The following SMG6 variants were observed in gnomAD, a reference collection of about 807,000 sequenced individuals.
SMG6 encodes the protein telomerase-binding protein EST1A.
Under a neutral mutation model 142.2 loss-of-function variants are expected in SMG6, and 66 were observed. That is an observed-to-expected ratio of 0.46 (90% CI 0.38 to 0.57). The LOEUF (loss-of-function observed/expected upper bound fraction) is 0.57, where lower values mean the gene tolerates loss of function less well. Ranked by LOEUF, SMG6 falls within the 20% of genes least tolerant of loss-of-function variation. SMG6 has a pLI of 0.00. For missense variants in SMG6, 1,793 were observed against 1,832.0 expected (o/e 0.98, Z 0.39); for synonymous variants, 779 against 702.4 (o/e 1.11, Z -1.72).
At chr17:2,215,166 T>G (rs1158999204) in intron 10 of SMG6, among the ~76,000 whole-genome samples, 2 of 152,126 alleles carry the variant, frequency 1.3e-5, no homozygotes, top group Non-Finnish European at 2.9e-5. Flanking sequence ...AGCTGTAATG[T>G]GAAGAGTGGC....
At chr17:2,092,934 G>C (rs928165710) in intron 13 of SMG6, among the ~76,000 whole-genome samples, 4 of 152,208 alleles carry the variant, frequency 2.6e-5, no homozygotes, top group African/African-American at 7.2e-5. Flanking sequence ...AGTGGCTCAT[G>C]CCTGTAATCG....
chr17:2,286,041 C>T (rs1036306346), intron 6 of SMG6, among the ~76,000 whole-genome samples: 4 of 152,046 alleles, frequency 2.6e-5, no homozygotes, highest in African/African-American at 4.8e-5. Context: ...TTTGCAAAAG[C>T]ATCAAAAAGA....
intron 13 of SMG6, among the ~76,000 whole-genome samples, chr17:2,111,973 G>A (rs2151494858): frequency 6.6e-6 from 1 of 152,208 alleles, no homozygotes; most frequent in East Asian, 1.9e-4. Flanking sequence ...CACAAATACA[G>A]TATCTTCCCT....
At chr17:2,214,152 T>TCAACAGCTCCACGAGGATCCATGC in intron 10 of SMG6, 2 of 152,338 alleles carry the variant, frequency 1.3e-5, no homozygotes, top group East Asian at 3.9e-4. Context: ...GTTTTTGTTC[T>TCAACAGCTCCACGAGGATCCATGC]CAACAGCTCC....
chr17:2,238,711 C>G (rs1478913668), intron 9 of SMG6, among the ~76,000 whole-genome samples: 1 of 152,180 alleles, frequency 6.6e-6, no homozygotes, highest in Non-Finnish European at 1.5e-5. Context: ...CTGAGGAAGC[C>G]TCTTCCCTGG....
At chr17:2,221,998 G>C (rs768489589) in intron 10 of SMG6, among the ~76,000 whole-genome samples, 5 of 152,226 alleles carry the variant, frequency 3.3e-5, no homozygotes, top group Non-Finnish European at 5.9e-5. Context: ...GCCTCCCAAA[G>C]AGCTGGGATT....
chr17:2,218,687 G>A (rs2073088898), intron 10 of SMG6, among the ~76,000 whole-genome samples: 1 of 152,210 alleles, frequency 6.6e-6, no homozygotes, highest in African/African-American at 2.4e-5. Flanking sequence ...GTCATCACCT[G>A]AGGTGAGGTG....
chr17:2,210,409 C>A (rs570550997), intron 10 of SMG6, among the ~76,000 whole-genome samples: 2 of 151,588 alleles, frequency 1.3e-5, no homozygotes, highest in Non-Finnish European at 1.5e-5. Context: ...GTGTGCATTA[C>A]TGCAAACCAG....
At chr17:2,155,892 G>T (rs992178320) in intron 13 of SMG6, among the ~76,000 whole-genome samples, 2 of 152,120 alleles carry the variant, frequency 1.3e-5, no homozygotes, top group Admixed American at 1.3e-4. Flanking sequence ...TCCTGCATTT[G>T]AATGTATTGT....
In SMG6 at chr17:2,164,909, C is replaced by T. The variant is rs539721600; in HGVS notation, c.3357+7749G>A. ...CCAAGACTAAACCACTGTACTCCAG[C>T]GTGGGCGACAGAGCGAGACTCCATC... is the stretch of plus-strand genomic sequence containing the variant. On this transcript the variant is annotated intron_variant, in intron 13 of 18. Transcript: ENST00000263073. Among the ~76,000 whole-genome samples the T allele has an allele frequency of 2.6e-5, 4 of 151,546 alleles. No homozygotes were observed. The South Asian group carries it at 8.3e-4, about 32-fold the overall frequency.
intron 10 of SMG6, chr17:2,212,799 T>TA (rs1166736003): frequency 1.3e-5 from 2 of 152,232 alleles, no homozygotes; most frequent in Admixed American, 1.3e-4. Context: ...AACCGGGACC[T>TA]ACTCAAGCGG....
intron 13 of SMG6, among the ~76,000 whole-genome samples, chr17:2,154,728 A>G (rs185711935): frequency 9.8e-5 from 15 of 152,320 alleles, no homozygotes; most frequent in African/African-American, 3.4e-4. Context: ...TGTTAATAAT[A>G]AACACCTGCT....
chr17:2,162,990 C>A (rs1017770326), intron 13 of SMG6, among the ~76,000 whole-genome samples: 6 of 151,952 alleles, frequency 3.9e-5, no homozygotes, highest in African/African-American at 7.3e-5. Flanking sequence ...CACCACCACA[C>A]CTGACTGATT....
intron 13 of SMG6, among the ~76,000 whole-genome samples, chr17:2,141,731 CCTCA>C (rs755961966): frequency 5.8e-4 from 89 of 152,318 alleles, no homozygotes; most frequent in Non-Finnish European, 1.2e-3. Context: ...GCACAAGCCA[CCTCA>C]CTCAGCCTGA....
At position 2,085,279 on chromosome 17, in the gene SMG6, G is replaced by A. The variant is rs2068527961; in HGVS notation, c.3534+446C>T. On this transcript the variant is annotated intron_variant, in intron 14 of 18. Transcript: ENST00000263073. This position sits in a 1 kb window ranked among gnomAD's most constrained non-coding sequence, Gnocchi z 4.1. ...TGTGCAGGAGGGAGGGAGGGAACAA[G>A]GGAGGGAGGGTAGGGCAGGGGAGGG... Among the ~76,000 whole-genome samples the A allele has an allele frequency of 6.6e-6, 1 of 151,858 alleles. No individual in the cohort carries two copies. Among genetic ancestry groups the A allele is most frequent in the Non-Finnish European group, 1.5e-5 (1 of 67,970 alleles).
intron 8 of SMG6, among the ~76,000 whole-genome samples, chr17:2,266,702 G>C (rs1160553106): frequency 6.6e-6 from 1 of 152,128 alleles, no homozygotes; most frequent in African/African-American, 2.4e-5. Flanking sequence ...AAACGGATAG[G>C]ATAAAAATAA....
chr17:2,179,231 G>T (rs1053189488), intron 12 of SMG6, among the ~76,000 whole-genome samples: 1 of 152,168 alleles, frequency 6.6e-6, no homozygotes, highest in Non-Finnish European at 1.5e-5. Flanking sequence ...ACTTCCTTCA[G>T]GGAAGTGCTG....
At chr17:2,076,698 G>A (rs1567577328) in intron 15 of SMG6, among the ~76,000 whole-genome samples, 2 of 152,214 alleles carry the variant, frequency 1.3e-5, no homozygotes, top group Admixed American at 6.5e-5. Flanking sequence ...ATTAAAGCGG[G>A]GTGGGGAAGG....
At chr17:2,111,528 C>T (rs1401175837) in intron 13 of SMG6, among the ~76,000 whole-genome samples, 1 of 152,174 alleles carries the variant, frequency 6.6e-6, no homozygotes, top group Non-Finnish European at 1.5e-5. Context: ...CCTTCTACCT[C>T]AGCCTCCCAA....
Sources: allele counts gnomAD v4.1 joint callset (sites outside exome capture counted in the v4.1 genomes callset), GRCh38; gene constraint gnomAD v4.1.1; non-coding constraint Gnocchi (gnomAD v3.1); transcripts MANE v1.5; gene names NCBI Gene and HGNC (gene_info 2026-07-23, HGNC 2026-07-21).